The following KSR1 variants were observed in gnomAD, a reference collection of about 807,000 sequenced individuals.
KSR1 encodes the protein kinase suppressor of ras.
Under a neutral mutation model 92.9 loss-of-function variants are expected in KSR1, and 35 were observed. That is an observed-to-expected ratio of 0.38 (90% CI 0.29 to 0.50). The LOEUF (loss-of-function observed/expected upper bound fraction) is 0.50. KSR1 is among the 20% of genes least tolerant of loss of function. KSR1 has a pLI of 0.94. For synonymous variants in KSR1, 467 were observed against 472.6 expected (o/e 0.99, Z 0.15); for missense variants, 972 against 1,158.5 (o/e 0.84, Z 2.34).
intron 1 of KSR1, among the ~76,000 whole-genome samples, chr17:27,467,767 C>T (rs997844848): frequency 2.0e-5 from 3 of 151,678 alleles, no homozygotes; most frequent in African/African-American, 7.3e-5. Context: ...AGGTCAAGTT[C>T]CCTGTGCTCC....
At chr17:27,489,765 T>TGAG (rs35934606) in intron 1 of KSR1, among the ~76,000 whole-genome samples, 79,922 of 151,738 alleles carry the variant, frequency 0.53, 21,421 homozygotes, top group East Asian at 0.69. Context: ...GGCTGTGAAA[T>TGAG]GAGACCAGAT....
intron 1 of KSR1, among the ~76,000 whole-genome samples, chr17:27,472,582 G>T (rs1371231355): frequency 6.6e-6 from 1 of 152,194 alleles, no homozygotes; most frequent in Non-Finnish European, 1.5e-5. Flanking sequence ...GCCGAGGTGG[G>T]CCGATTACCT....
intron 1 of KSR1, among the ~76,000 whole-genome samples, chr17:27,461,086 TTTTG>T (rs1277317804): frequency 6.6e-6 from 1 of 152,080 alleles, no homozygotes; most frequent in Non-Finnish European, 1.5e-5. Context: ...TTGTTTTTGT[TTTTG>T]TTTTTCTTTT....
chr17:27,475,467 A>G (rs565602827), intron 1 of KSR1, among the ~76,000 whole-genome samples: 168 of 152,298 alleles, frequency 1.1e-3, no homozygotes, highest in Admixed American at 3.6e-3. Context: ...CAGGTGACAG[A>G]GCGCTGGCCC....
rs1300476515 is a variant in KSR1 at position 27,520,620 on chromosome 17, C to T, written c.232-29948C>T. 3.3e-5 allele frequency among the ~76,000 whole-genome samples: 5 copies of T among 152,252 alleles called. 1 individual carries two copies. The highest frequency in any genetic ancestry group is 2.1e-4 in the South Asian group (1 of 4,830). ...TCTCTGCTGGCTTTTCCGTGCAGAA[C>T]GGGCACAGTGGAGCTTTGTTCTTCT... On this transcript the variant is annotated intron_variant, in intron 1 of 20. Coordinates refer to ENST00000644974, the MANE Select transcript of KSR1 (RefSeq NM_001394583.1).
At chr17:27,621,956 C>T (rs771308152) in intron 20 of KSR1, 23 of 1,612,630 alleles carry the variant, frequency 1.4e-5, no homozygotes, top group East Asian at 2.2e-5. Flanking sequence ...CTTGCATGCA[C>T]CAGGGGCTTT....
chr17:27,577,457 T>TGG lies in KSR1; in HGVS notation c.373-35_373-34insGG. ...AGGGGCTCCCGGCCCAGCCGACTGC[T>TGG]CACCGCCTCTCTGCCTGTCCCTCTG... is the stretch of plus-strand genomic sequence containing the variant. On this transcript the variant is annotated intron_variant, in intron 2 of 20. Coordinates refer to ENST00000644974, the MANE Select transcript of KSR1 (RefSeq NM_001394583.1). The surrounding 1 kb of genome is among the most constrained non-coding windows in gnomAD (Gnocchi z 4.5). 1 of 1,341,038 alleles carries TGG rather than the reference T, an allele frequency of 7.5e-7. No individual in the cohort carries two copies. Among genetic ancestry groups the TGG allele is most frequent in the African/African-American group, 1.4e-5 (1 of 69,400 alleles). The allele number at this position is 1,341,038 out of a possible 1,614,324, so 83.1% of individuals were successfully genotyped here. A position where few individuals can be genotyped will look rare whatever the true frequency, so the allele number is the denominator to read the frequency against.
At chr17:27,585,698 G>A (rs1217873025) in intron 5 of KSR1, 37 bp downstream of exon 5, 1 of 752,912 alleles carries the variant, frequency 1.3e-6, no homozygotes, top group Non-Finnish European at 2.5e-6. Flanking sequence ...CTACCACCTG[G>A]GAGTCGTGTG....
At chr17:27,568,794 G>T (rs1386245471) in intron 2 of KSR1, among the ~76,000 whole-genome samples, 1 of 152,212 alleles carries the variant, frequency 6.6e-6, no homozygotes, top group Admixed American at 6.5e-5. Flanking sequence ...TAGAGGAATA[G>T]TGTCCCTGTT....
chr17:27,623,099 A>G, intron 20 of KSR1: 1 of 593,340 alleles, frequency 1.7e-6, no homozygotes, highest in Non-Finnish European at 3.0e-6. Context: ...TGAATGAGCC[A>G]CCGTTGCTGC....
chr17:27,498,186 C>T (rs946184634), intron 1 of KSR1, among the ~76,000 whole-genome samples: 3 of 151,626 alleles, frequency 2.0e-5, no homozygotes, highest in Non-Finnish European at 2.9e-5. Context: ...AAAATTTAGC[C>T]GAGTGTGGTG....
At chr17:27,485,460 G>C (rs1263367037) in intron 1 of KSR1, among the ~76,000 whole-genome samples, 1 of 152,196 alleles carries the variant, frequency 6.6e-6, no homozygotes, top group African/African-American at 2.4e-5. Flanking sequence ...GCCCTCTGCA[G>C]ACAGAGTAGA....
chr17:27,623,409 T>G lies in KSR1; in HGVS notation c.*17T>G. The stretch of plus-strand genomic sequence containing the variant: ...AAGATGTAGCCAGCCATATGGTTTT[T>G]CGCTGCTGATCTCTTTCTTTTTAAA... On this transcript the variant is annotated 3_prime_UTR_variant, in exon 21 of 21. Coordinates refer to ENST00000644974, the MANE Select transcript of KSR1 (RefSeq NM_001394583.1). 1 of 761,070 alleles carries G rather than the reference T, an allele frequency of 1.3e-6. No individual in the cohort carries two copies. Among genetic ancestry groups the G allele is most frequent in the Non-Finnish European group, 2.4e-6 (1 of 415,906 alleles). 47.1% of individuals were successfully genotyped at this position (761,070 alleles called of 1,614,324 possible). A position where few individuals can be genotyped will look rare whatever the true frequency, so the allele number is the denominator to read the frequency against.
intron 1 of KSR1, among the ~76,000 whole-genome samples, chr17:27,486,469 G>T (rs1477930772): frequency 6.6e-6 from 1 of 152,206 alleles, no homozygotes; most frequent in Non-Finnish European, 1.5e-5. Context: ...GCATCAGTTT[G>T]CTGGGAGGAT....
chr17:27,543,801 G>A (rs2071059212), intron 1 of KSR1, among the ~76,000 whole-genome samples: 1 of 152,204 alleles, frequency 6.6e-6, no homozygotes, highest in Admixed American at 6.5e-5. Context: ...GATAGGATTG[G>A]GTTCCCTGGA....
chr17:27,614,699 C>T (rs2074009878), intron 18 of KSR1, among the ~76,000 whole-genome samples: 1 of 152,152 alleles, frequency 6.6e-6, no homozygotes, highest in South Asian at 2.1e-4. Context: ...TAGAGCACAG[C>T]CAGAGTTCTG....
chr17:27,542,568 G>A (rs574420727), intron 1 of KSR1, among the ~76,000 whole-genome samples: 6 of 152,242 alleles, frequency 3.9e-5, no homozygotes, highest in African/African-American at 7.2e-5. Flanking sequence ...CTCAGGCCCT[G>A]CAATTTTAGG....
intron 3 of KSR1, among the ~76,000 whole-genome samples, chr17:27,582,442 C>T (rs533716681): frequency 8.3e-4 from 127 of 152,234 alleles, no homozygotes; most frequent in Non-Finnish European, 1.5e-3. Flanking sequence ...GTAGTATCTG[C>T]GCCGAGGGCC....
At chr17:27,604,192 C>T (rs1420440898) in intron 12 of KSR1, among the ~76,000 whole-genome samples, 1 of 152,218 alleles carries the variant, frequency 6.6e-6, no homozygotes. Flanking sequence ...AGCCCTTTCT[C>T]TACCAGGCCA....
Sources: gnomAD v4.1 joint callset for allele counts (sites outside exome capture counted in the v4.1 genomes callset) on GRCh38, gnomAD v4.1.1 for gene constraint, Gnocchi (gnomAD v3.1) non-coding constraint, MANE v1.5 for transcripts, NCBI Gene and HGNC (gene_info 2026-07-23, HGNC 2026-07-21) for gene names.